The following AUTS2 variants were observed in gnomAD, a reference collection of about 807,000 sequenced individuals.
AUTS2 encodes the protein autism susceptibility gene 2 protein.
Under a neutral mutation model 112.4 loss-of-function variants are expected in AUTS2, and 17 were observed. The observed-to-expected ratio is 0.15, with a 90% CI of 0.10 to 0.23. The LOEUF is 0.23. Ranked by LOEUF, AUTS2 falls within the 10% of genes least tolerant of loss-of-function variation. The probability of loss-of-function intolerance (pLI) is 1.00; values close to 1 mark genes in which losing one functional copy is unlikely to be tolerated. For missense variants in AUTS2, 1,510 were observed against 1,701.6 expected, an observed-to-expected ratio of 0.89 and a Z score of 1.98; for synonymous variants, 751 against 702.7, an observed-to-expected ratio of 1.07 and a Z score of -1.09.
intron 1 of AUTS2, among the ~76,000 whole-genome samples, chr7:69,747,978 C>G (rs1197763246): frequency 6.6e-6 from 1 of 151,470 alleles, no homozygotes; most frequent in Non-Finnish European, 1.5e-5. Flanking sequence ...ATTTTTTTTC[C>G]TTTTCTAATT....
intron 4 of AUTS2, among the ~76,000 whole-genome samples, chr7:70,303,677 TA>T (rs1789351158): frequency 6.6e-6 from 1 of 152,150 alleles, no homozygotes; most frequent in African/African-American, 2.4e-5. Flanking sequence ...TGGAGGTTTA[TA>T]AAGGCCATCT....
At chr7:70,307,387 G>C (rs1050503037) in intron 4 of AUTS2, among the ~76,000 whole-genome samples, 4 of 152,156 alleles carry the variant, frequency 2.6e-5, no homozygotes, top group African/African-American at 9.7e-5. Flanking sequence ...TTTCAGACTA[G>C]GGGTGGCAAA....
chr7:69,660,762 C>A (rs2129143189), intron 1 of AUTS2, among the ~76,000 whole-genome samples: 1 of 152,276 alleles, frequency 6.6e-6, no homozygotes, highest in Non-Finnish European at 1.5e-5. Context: ...GAAAACCCGT[C>A]TCTACTAAAA....
intron 4 of AUTS2, among the ~76,000 whole-genome samples, chr7:70,235,641 C>A (rs75000836): frequency 1.3e-5 from 2 of 151,654 alleles, no homozygotes; most frequent in Non-Finnish European, 2.9e-5. Flanking sequence ...CTGTGTTTTT[C>A]TTTTTTCTTT....
rs1585650105 is a variant in AUTS2, at chr7:70,764,869, C to T, written c.1332C>T (p.Phe444=). Residue 444 remains phenylalanine, a synonymous_variant, in exon 8 of 19, where the codon TTC becomes TTT. Coordinates refer to ENST00000342771, the MANE Select transcript of AUTS2 (RefSeq NM_015570.4). The stretch of plus-strand genomic sequence containing the variant: ...CCAACCACAGCCCCCTGCACAGCTT[C>T]ACACCCACCCTCCAGCCCCCCGCAC... ...SLPNHSPLHS[F]TPTLQPPAHS... is the part of the protein sequence containing the mutation. The T allele has an allele frequency of 7.3e-7, 1 of 1,378,546 alleles. No homozygotes were observed. The highest frequency in any genetic ancestry group is 1.7e-5 in the African/African-American group (1 of 60,278). 85.4% of individuals were successfully genotyped at this position (1,378,546 alleles called of 1,614,324 possible). A position where few individuals can be genotyped will look rare whatever the true frequency, so the allele number is the denominator to read the frequency against.
chr7:69,630,763 A>C (rs1204381513), intron 1 of AUTS2, among the ~76,000 whole-genome samples: 2 of 152,172 alleles, frequency 1.3e-5, no homozygotes, highest in African/African-American at 4.8e-5. Flanking sequence ...TAAACAATTA[A>C]AGATTCCTGG....
intron 6 of AUTS2, among the ~76,000 whole-genome samples, chr7:70,716,858 G>A (rs1467586650): frequency 1.3e-5 from 2 of 151,984 alleles, no homozygotes; most frequent in Non-Finnish European, 2.9e-5. Flanking sequence ...GAGATTTCAT[G>A]TGATACTAAG....
chr7:70,586,350 G>A (rs1422772015), intron 5 of AUTS2, among the ~76,000 whole-genome samples: 1 of 152,048 alleles, frequency 6.6e-6, no homozygotes. Flanking sequence ...TTCCTTACAT[G>A]TATTCTTATG....
chr7:70,769,546 G>A (rs915006897), intron 10 of AUTS2, among the ~76,000 whole-genome samples: 6 of 152,162 alleles, frequency 3.9e-5, no homozygotes, highest in Non-Finnish European at 7.4e-5. Context: ...TTAGCCGGGC[G>A]TGGTGGCGGG....
intron 1 of AUTS2, among the ~76,000 whole-genome samples, chr7:69,770,143 C>T (rs1321525998): frequency 6.6e-6 from 1 of 152,192 alleles, no homozygotes; most frequent in East Asian, 1.9e-4. Context: ...GCAGTGTATA[C>T]TGGTCATCTT....
chr7:69,620,772 CA>C (rs1163804812), intron 1 of AUTS2, among the ~76,000 whole-genome samples: 2 of 152,122 alleles, frequency 1.3e-5, no homozygotes, highest in Admixed American at 1.3e-4. Flanking sequence ...TGTTAATATT[CA>C]AAGGCATGAA....
At chr7:70,754,050 A>G (rs1328114579) in intron 6 of AUTS2, among the ~76,000 whole-genome samples, 1 of 151,932 alleles carries the variant, frequency 6.6e-6, no homozygotes, top group Admixed American at 6.5e-5. Context: ...AGTCCCAGCT[A>G]CTGGGGAGGC....
intron 6 of AUTS2, among the ~76,000 whole-genome samples, chr7:70,725,093 T>C (rs1267037139): frequency 6.6e-6 from 1 of 152,240 alleles, no homozygotes; most frequent in Non-Finnish European, 1.5e-5. Flanking sequence ...ATTTGTCTGC[T>C]TAAACAATGA....
chr7:69,717,864 C>T (rs888236657), intron 1 of AUTS2, among the ~76,000 whole-genome samples: 12 of 152,058 alleles, frequency 7.9e-5, no homozygotes, highest in Non-Finnish European at 1.8e-4. Context: ...GTTCATCCAC[C>T]GTTTTACTCA....
chr7:69,770,523 T>C (rs1225967549), intron 1 of AUTS2, among the ~76,000 whole-genome samples: 1 of 151,840 alleles, frequency 6.6e-6, no homozygotes, highest in East Asian at 1.9e-4. Context: ...CTGGAGCCAA[T>C]TGGCCTGTTG....
At chr7:70,664,204 C>T (rs1347530215) in intron 5 of AUTS2, among the ~76,000 whole-genome samples, 5 of 152,242 alleles carry the variant, frequency 3.3e-5, no homozygotes, top group Non-Finnish European at 7.3e-5. Context: ...TCGAAACCTA[C>T]CTTATCCCTT....
intron 4 of AUTS2, among the ~76,000 whole-genome samples, chr7:70,174,583 A>T (rs1390921810): frequency 6.6e-6 from 1 of 152,220 alleles, no homozygotes; most frequent in African/African-American, 2.4e-5. Flanking sequence ...GCTTCAAAGG[A>T]CAGGCTGACT....
chr7:70,661,964 T>A (rs866248432), intron 5 of AUTS2, among the ~76,000 whole-genome samples: 41 of 152,118 alleles, frequency 2.7e-4, no homozygotes, highest in South Asian at 8.4e-4. Flanking sequence ...CGCCTTCCTT[T>A]CCTGCAGGAA....
At chr7:70,677,674 C>T (rs1024521489) in intron 5 of AUTS2, among the ~76,000 whole-genome samples, 21 of 152,088 alleles carry the variant, frequency 1.4e-4, no homozygotes, top group African/African-American at 3.6e-4. Context: ...CCTCCTGCCT[C>T]GGCCTCCCAA....
Sources: allele counts gnomAD v4.1 joint callset (sites outside exome capture counted in the v4.1 genomes callset), GRCh38; gene constraint gnomAD v4.1.1; transcripts MANE v1.5; gene names NCBI Gene and HGNC (gene_info 2026-07-23, HGNC 2026-07-21).